Variants in THBS4 observed in about 807,000 individuals in gnomAD.
THBS4 encodes the protein thrombospondin 4, also known as thrombospondin-4.
Under a neutral mutation model 115.7 loss-of-function variants are expected in THBS4, and 90 were observed. That is an observed-to-expected ratio of 0.78 (90% CI 0.66 to 0.93). The LOEUF is 0.93. Ranked by LOEUF, THBS4 falls within the 40% of genes least tolerant of loss-of-function variation. THBS4 has a pLI of 0.00. For missense variants in THBS4, 1,087 were observed against 1,232.7 expected, an observed-to-expected ratio of 0.88 and a Z score of 1.77; for synonymous variants, 460 against 479.3, an observed-to-expected ratio of 0.96 and a Z score of 0.53.
chr5:80,083,083 C>T lies in THBS4; in HGVS notation c.2828C>T (p.Thr943Ile), dbSNP rs933002305. The T allele has an allele frequency of 2.5e-5, 40 of 1,613,848 alleles. No homozygotes were observed. Among genetic ancestry groups the T allele is most frequent in the Non-Finnish European group, 3.2e-5 (38 of 1,179,802 alleles). Residue 943 changes from threonine (T) to isoleucine (I), a missense_variant, in exon 22 of 22, where the codon ACC (threonine) becomes ATC (isoleucine). Around this residue, in one of 3 missense-constraint regions of THBS4, gnomAD observed 103 missense variants for 108.2 expected, o/e 0.95. Coordinates refer to ENST00000350881, the MANE Select transcript of THBS4 (RefSeq NM_003248.6). ...CCTGTGCCCATTCCTATTGCAGACA[C>T]CATCCCTGAGGACTTCCAAGAGTTT... The part of the protein sequence containing the change: ...WSNLKYRCND[T>I]IPEDFQEFQT...
chr5:80,004,831 G>A (rs1265557407), intron 2 of THBS4, among the ~76,000 whole-genome samples: 4 of 151,938 alleles, frequency 2.6e-5, no homozygotes, highest in East Asian at 1.9e-4. Context: ...TCCGCCTCCC[G>A]GGTTCAAGTG....
At chr5:80,072,426 C>A in intron 14 of THBS4, 30 bp downstream of exon 14, 4 of 1,573,844 alleles carry the variant, frequency 2.5e-6, no homozygotes, top group Non-Finnish European at 3.5e-6. Context: ...ATTCAAACTC[C>A]AGGCTGAATT....
chr5:80,076,902 T>C lies in THBS4; in HGVS notation c.1940T>C (p.Ile647Thr), dbSNP rs1466817763. The C allele has an allele frequency of 6.2e-7, 1 of 1,612,364 alleles. No homozygotes were observed. The highest frequency in any genetic ancestry group is 1.7e-5 in the Admixed American group (1 of 59,914). Reference protein sequence around the residue: ...QDSTDNCPTVINSAQLDTDKD... With the variant: ...QDSTDNCPTVTNSAQLDTDKD... ...AGCACAGACAACTGCCCCACCGTCA[T>C]TAACAGTGCCCAGCTGGACACCGAT... Residue 647 changes from isoleucine (I) to threonine (T), a missense_variant, in exon 16 of 22, where the codon ATT becomes ACT. Ile to Thr is a moderately conservative substitution (Grantham distance 89). Coordinates refer to ENST00000350881, the MANE Select transcript of THBS4 (RefSeq NM_003248.6).
intron 1 of THBS4, among the ~76,000 whole-genome samples, chr5:79,995,203 A>G (rs548685298): frequency 1.3e-5 from 2 of 152,242 alleles, no homozygotes; most frequent in Non-Finnish European, 2.9e-5. Context: ...TCCAAATACA[A>G]TATTAGTGGA....
At chr5:80,026,359 A>T (rs893186508) in intron 2 of THBS4, among the ~76,000 whole-genome samples, 2 of 152,216 alleles carry the variant, frequency 1.3e-5, no homozygotes, top group African/African-American at 4.8e-5. Flanking sequence ...GGAAGGGACT[A>T]CCAGCAAGAA....
At chr5:80,061,934 AGGCCATGTGGAATGTCAT>A in intron 8 of THBS4, 102 bp downstream of exon 8, 1 of 1,295,944 alleles carries the variant, frequency 7.7e-7, no homozygotes, top group Non-Finnish European at 1.0e-6. Context: ...TGAGCAGTCA[AGGCCATGTGGAATGTCAT>A]GGTGCAAAAT....
At chr5:80,062,233 G>C (rs924980059) in intron 8 of THBS4, among the ~76,000 whole-genome samples, 2 of 152,188 alleles carry the variant, frequency 1.3e-5, no homozygotes, top group Admixed American at 1.3e-4. Flanking sequence ...TTTCAGAGAT[G>C]AGGGGATTTT....
intron 2 of THBS4, chr5:80,053,203 ACCT>A (rs1224336508): frequency 6.6e-6 from 1 of 150,962 alleles, no homozygotes; most frequent in Non-Finnish European, 1.5e-5. Context: ...TTGACCTATA[ACCT>A]CCTTTTTTTT....
intron 13 of THBS4, chr5:80,071,657 C>T (rs1374721983): frequency 7.1e-4 from 6 of 8,436 alleles, no homozygotes; most frequent in Non-Finnish European, 4.6e-3. Flanking sequence ...CACACACATA[C>T]ACACACACAC....
rs1436077808 is a variant in THBS4 at position 80,079,896 on chromosome 5, A to G, written c.2512-9A>G. ...CCTGTCCTAAAACCTTGCTTGTGTCATCATGCAGGCTGTGAAGTCTAAGAC... is the reference window on the plus strand; with the variant it reads ...CCTGTCCTAAAACCTTGCTTGTGTCGTCATGCAGGCTGTGAAGTCTAAGAC... On this transcript the variant is annotated splice_polypyrimidine_tract_variant and intron_variant, in intron 19 of 21. Coordinates refer to ENST00000350881, the MANE Select transcript of THBS4 (RefSeq NM_003248.6). 1.2e-6 allele frequency: 2 copies of G among 1,613,660 alleles called. No individual in the cohort carries two copies. Among genetic ancestry groups the G allele is most frequent in the South Asian group, 1.1e-5 (1 of 91,042 alleles).
chr5:80,057,888 C>T (rs1462044377), intron 3 of THBS4, among the ~76,000 whole-genome samples: 2 of 152,100 alleles, frequency 1.3e-5, no homozygotes, highest in East Asian at 1.9e-4. Flanking sequence ...ATTCCATAAA[C>T]AAATTACAGA....
intron 2 of THBS4, 67 bp from the exon 3 acceptor site, chr5:80,055,718 T>TTTGTTGACCC: frequency 6.4e-7 from 1 of 1,562,594 alleles, no homozygotes; most frequent in Non-Finnish European, 8.7e-7. Flanking sequence ...TATCACACCA[T>TTTGTTGACCC]TTGTTGACCC....
intron 8 of THBS4, among the ~76,000 whole-genome samples, chr5:80,064,428 A>G (rs913219045): frequency 1.3e-5 from 2 of 152,284 alleles, no homozygotes; most frequent in African/African-American, 4.8e-5. Flanking sequence ...CAAAAATGGC[A>G]GTTTATATAA....
intron 19 of THBS4, 123 bp downstream of exon 19, chr5:80,079,381 T>C: frequency 9.2e-7 from 1 of 1,089,846 alleles, no homozygotes; most frequent in Non-Finnish European, 1.3e-6. Flanking sequence ...TATGCTAACG[T>C]TAGAGTCAGG....
chr5:80,054,509 C>T (rs143692766), intron 2 of THBS4, among the ~76,000 whole-genome samples: 51 of 152,100 alleles, frequency 3.4e-4, no homozygotes, highest in African/African-American at 1.1e-3. Context: ...TTACTAGAGA[C>T]GGGGTTTCAC....
intron 14 of THBS4, chr5:80,072,708 C>A (rs1413394460): frequency 5.8e-6 from 2 of 344,512 alleles, no homozygotes; most frequent in Admixed American, 3.9e-5. Context: ...CCATTGGGAG[C>A]CTTGTGTCCC....
At chr5:80,074,145 A>G (rs1470667586) in intron 15 of THBS4, 2 of 152,192 alleles carry the variant, frequency 1.3e-5, no homozygotes, top group Admixed American at 1.3e-4. Flanking sequence ...TTATTTTTAT[A>G]TTCTTTCAGC....
intron 2 of THBS4, among the ~76,000 whole-genome samples, chr5:80,022,401 T>C (rs1426840678): frequency 1.3e-5 from 2 of 152,232 alleles, no homozygotes; most frequent in African/African-American, 2.4e-5. Context: ...TGCAATCACT[T>C]TTCTTCCAAT....
At chr5:80,029,602 C>A (rs2112002298) in intron 2 of THBS4, among the ~76,000 whole-genome samples, 1 of 152,198 alleles carries the variant, frequency 6.6e-6, no homozygotes, top group African/African-American at 2.4e-5. Flanking sequence ...CACCTCTTTT[C>A]TTGCTTTACT....
Sources: allele counts gnomAD v4.1 joint callset (sites outside exome capture counted in the v4.1 genomes callset), GRCh38; gene constraint gnomAD v4.1.1; regional missense constraint gnomAD v4.1.1; transcripts MANE v1.5; gene names NCBI Gene and HGNC (gene_info 2026-07-23, HGNC 2026-07-21).